Variants in DGLUCY observed in about 807,000 individuals in gnomAD.
DGLUCY encodes D-glutamate cyclase, mitochondrial.
DGLUCY carries 58 observed loss-of-function variants against 58.5 expected under a neutral mutation model. The observed-to-expected ratio is 0.99, with a 90% CI of 0.80 to 1.23. The LOEUF is 1.23. DGLUCY is among the 50% of genes most tolerant of loss of function. The pLI is 0.00. For missense variants in DGLUCY, 779 were observed against 784.7 expected, an observed-to-expected ratio of 0.99 and a Z score of 0.09; for synonymous variants, 325 against 314.1, an observed-to-expected ratio of 1.03 and a Z score of -0.37.
chr14:91,103,919 G>A (rs1396232453), upstream of DGLUCY, among the ~76,000 whole-genome samples: 1 of 151,744 alleles, frequency 6.6e-6, no homozygotes, highest in Non-Finnish European at 1.5e-5. Flanking sequence ...CATGTCTGTG[G>A]AAGCTTTCTC....
chr14:91,113,135 A>G (rs888709653), upstream of DGLUCY, among the ~76,000 whole-genome samples: 15 of 151,932 alleles, frequency 9.9e-5, no homozygotes, highest in East Asian at 2.5e-3. Flanking sequence ...CCCCATCTCT[A>G]CTAAAAATAC....
chr14:91,182,775 A>G (rs2049263755), intron 8 of DGLUCY, among the ~76,000 whole-genome samples: 1 of 152,200 alleles, frequency 6.6e-6, no homozygotes, highest in Non-Finnish European at 1.5e-5. Flanking sequence ...TTTGCAGTCA[A>G]CTTGTATATT....
intron 1 of DGLUCY, among the ~76,000 whole-genome samples, chr14:91,131,251 T>C (rs949436592): frequency 6.6e-6 from 1 of 152,194 alleles, no homozygotes; most frequent in Middle Eastern, 3.2e-3. Flanking sequence ...TGCCTCAGTG[T>C]TATATGCTTG....
chr14:91,213,991 TGCCCG>T (rs1886126107), intron 12 of DGLUCY, among the ~76,000 whole-genome samples: 1 of 151,890 alleles, frequency 6.6e-6, no homozygotes, highest in Non-Finnish European at 1.5e-5. Flanking sequence ...TGAGCCACCG[TGCCCG>T]GCCAAGGGAG....
intron 1 of DGLUCY, among the ~76,000 whole-genome samples, chr14:91,155,269 C>T (rs140374011): frequency 3.3e-5 from 5 of 152,230 alleles, no homozygotes; most frequent in South Asian, 2.1e-4. Context: ...GTTTTTGGCA[C>T]GGGGCCCAGA....
chr14:91,210,929 T>G, intron 12 of DGLUCY, among the ~76,000 whole-genome samples: 1 of 152,172 alleles, frequency 6.6e-6, no homozygotes, highest in Admixed American at 6.5e-5. Flanking sequence ...AAATTGTCTT[T>G]GCTTGCAGAT....
At chr14:91,172,544 A>G (rs2048624373) in intron 5 of DGLUCY, among the ~76,000 whole-genome samples, 1 of 152,190 alleles carries the variant, frequency 6.6e-6, no homozygotes, top group Non-Finnish European at 1.5e-5. Flanking sequence ...TCTCAAAAAT[A>G]TCCTATATGC....
intron 1 of DGLUCY, among the ~76,000 whole-genome samples, chr14:91,128,177 G>C (rs900798420): frequency 3.3e-5 from 5 of 151,904 alleles, no homozygotes. Context: ...TGCAATTGAT[G>C]TTAAGAAAGA....
intron 4 of DGLUCY, 25 bp from the exon 5 acceptor site, chr14:91,169,978 C>T (rs992949763): frequency 1.2e-6 from 2 of 1,608,666 alleles, no homozygotes; most frequent in Non-Finnish European, 1.7e-6. Context: ...CTGGGGCCCT[C>T]CCAGCTTTCC....
chr14:91,144,810 C>G (rs886463464), intron 1 of DGLUCY, among the ~76,000 whole-genome samples: 8 of 152,066 alleles, frequency 5.3e-5, no homozygotes, highest in Non-Finnish European at 1.2e-4. Context: ...AAGGCACAAG[C>G]AGTATATGAT....
intron 7 of DGLUCY, among the ~76,000 whole-genome samples, chr14:91,178,444 G>A (rs938885152): frequency 2.6e-5 from 4 of 152,070 alleles, no homozygotes; most frequent in African/African-American, 7.2e-5. Flanking sequence ...GATTATAGTC[G>A]TGAGCCACCA....
At chr14:91,120,861 A>G (rs1049954152) in intron 1 of DGLUCY, among the ~76,000 whole-genome samples, 13 of 152,124 alleles carry the variant, frequency 8.5e-5, no homozygotes, top group African/African-American at 2.9e-4. Context: ...TTGCTTCTCA[A>G]ATACTTACGA....
intron 4 of DGLUCY, among the ~76,000 whole-genome samples, chr14:91,168,577 G>A (rs192598886): frequency 6.6e-6 from 1 of 152,166 alleles, no homozygotes; most frequent in East Asian, 1.9e-4. Flanking sequence ...GGCTTTCCAC[G>A]TGCTGCTTCC....
In DGLUCY at chr14:91,190,490, G is replaced by A. The variant is rs1042864415; in HGVS notation, c.1195+1320G>A. ...GGCTGGGCGGTGGCAGCAGTGGGGG[G>A]CAGCTGTCACTTTACACAGAATGGC... On this transcript the variant is annotated intron_variant, in intron 9 of 13. Transcript: ENST00000256324. Among the ~76,000 whole-genome samples, 6 of 152,124 alleles carry A rather than the reference G, an allele frequency of 3.9e-5. 1 individual carries two copies. The highest frequency in any genetic ancestry group is 9.7e-5 in the African/African-American group (4 of 41,428).
rs199758139 is a variant in DGLUCY, at chr14:91,199,910, G to T, written c.1444+5G>T. ...TTCCTGGAATCTCATCAACTGGTAA[G>T]TATGGAGTACTGGGGATGCACCAAG... On this transcript the variant is annotated splice_donor_5th_base_variant and intron_variant, in intron 11 of 13. Transcript: ENST00000256324. The T allele has an allele frequency of 6.2e-7, 1 of 1,614,118 alleles. No homozygotes were observed. Among genetic ancestry groups the T allele is most frequent in the African/African-American group, 1.3e-5 (1 of 75,034 alleles).
chr14:91,078,561 G>A (rs952969273), intron 1 of DGLUCY, among the ~76,000 whole-genome samples: 5 of 152,168 alleles, frequency 3.3e-5, no homozygotes, highest in African/African-American at 9.7e-5. Flanking sequence ...GAACCAGCAT[G>A]TGCCTCATTT....
rs1167151217 is a variant in DGLUCY at position 91,167,127 on chromosome 14, G to A, written c.104-98G>A. 9.8e-6 allele frequency: 14 copies of A among 1,425,710 alleles called. No homozygotes were observed. The African/African-American group carries it at 1.0e-4, about 10-fold the overall frequency. 88.3% of individuals were successfully genotyped at this position (1,425,710 alleles called of 1,614,324 possible). On this transcript the variant is annotated intron_variant, in intron 3 of 13. Coordinates refer to ENST00000256324, the MANE Select transcript of DGLUCY (RefSeq NM_001102368.3). ...GCACTCCAGCATGGGCTACAAGAGCGAAACTCCGCCTCAAAAAAAAAAAAA... is the reference window on the plus strand; with the variant it reads ...GCACTCCAGCATGGGCTACAAGAGCAAAACTCCGCCTCAAAAAAAAAAAAA...
Position 91,108,847 on chromosome 14 carries a change from A to C in DGLUCY, c.-82+786A>C, listed in dbSNP as rs573163887. 9.7e-4 allele frequency among the ~76,000 whole-genome samples: 147 copies of C among 152,194 alleles called. 1 individual carries two copies. Among genetic ancestry groups the C allele is most frequent in the African/African-American group, 3.4e-3 (140 of 41,528 alleles). ...GCCACCGTTCCCAGCCCCTTGAAGG[A>C]TCTTGAACAAATAAATGATGTAACC... On this transcript the variant is annotated intron_variant, in intron 1 of 4. Transcript: ENST00000518871.
chr14:91,162,060 A>G (rs1429012777), intron 3 of DGLUCY, among the ~76,000 whole-genome samples: 2 of 152,076 alleles, frequency 1.3e-5, no homozygotes, highest in African/African-American at 4.8e-5. Flanking sequence ...TTCGCTCTTT[A>G]CTAGCAAACT....
Sources: gnomAD v4.1 joint callset for allele counts (sites outside exome capture counted in the v4.1 genomes callset) on GRCh38, gnomAD v4.1.1 for gene constraint, MANE v1.5 for transcripts, NCBI Gene and HGNC (gene_info 2026-07-23, HGNC 2026-07-21) for gene names.